PRDM16: variants seen among roughly 807,000 people sequenced by gnomAD.
The protein encoded by PRDM16 is PR/SET domain 16.
Under a neutral mutation model 110.6 loss-of-function variants are expected in PRDM16, and 23 were observed. That is an observed-to-expected ratio of 0.21 (90% CI 0.15 to 0.29). The LOEUF (loss-of-function observed/expected upper bound fraction) is 0.29. Among genes scored for constraint, PRDM16 ranks in the 10% least tolerant of loss-of-function variants. PRDM16 has a pLI of 1.00. For missense variants in PRDM16, 1,615 were observed against 1,794.3 expected, an observed-to-expected ratio of 0.90 and a Z score of 1.81; for synonymous variants, 799 against 781.8, an observed-to-expected ratio of 1.02 and a Z score of -0.37.
intron 2 of PRDM16, among the ~76,000 whole-genome samples, chr1:3,233,681 C>T (rs915132107): frequency 7.2e-5 from 11 of 152,066 alleles, no homozygotes; most frequent in African/African-American, 9.7e-5. Flanking sequence ...ACAGGAGAGC[C>T]GACGTTAGAT....
At chr1:3,103,845 A>G (rs1642587240) in intron 1 of PRDM16, among the ~76,000 whole-genome samples, 1 of 152,246 alleles carries the variant, frequency 6.6e-6, no homozygotes, top group Admixed American at 6.5e-5. Flanking sequence ...CACAGGCCCC[A>G]GGGAATTTGC....
intron 3 of PRDM16, among the ~76,000 whole-genome samples, chr1:3,300,548 T>C (rs564293019): frequency 2.0e-5 from 3 of 152,316 alleles, no homozygotes; most frequent in African/African-American, 7.2e-5. Context: ...GTCATGGTTT[T>C]CCAGCCTCAG....
At position 3,358,142 on chromosome 1, in the gene PRDM16, T is replaced by C. The variant is rs2483265; in HGVS notation, c.439-27010T>C. 0.79 allele frequency among the ~76,000 whole-genome samples: 119,592 copies of C among 152,258 alleles called. 47,651 individuals are homozygous for C. Among genetic ancestry groups the C allele is most frequent in the African/African-American group, 0.93 (38,703 of 41,566 alleles). ...ACAGTGGGCCTGGCCATGACCCCCTTGCCCAGGGCAACGTGGACCACACAG... is the reference window on the plus strand; with the variant it reads ...ACAGTGGGCCTGGCCATGACCCCCTCGCCCAGGGCAACGTGGACCACACAG... On this transcript the variant is annotated intron_variant, in intron 3 of 16. Transcript: ENST00000270722. This position sits in a 1 kb window ranked among gnomAD's most constrained non-coding sequence, Gnocchi z 4.0.
chr1:3,100,369 C>T (rs1642502818), intron 1 of PRDM16, among the ~76,000 whole-genome samples: 1 of 152,204 alleles, frequency 6.6e-6, no homozygotes. Flanking sequence ...TGGGTCCTCT[C>T]TTCCAGTGGG....
chr1:3,239,807 A>G (rs1639619323), intron 2 of PRDM16, among the ~76,000 whole-genome samples: 1 of 151,904 alleles, frequency 6.6e-6, no homozygotes, highest in Non-Finnish European at 1.5e-5. Flanking sequence ...AAAATTAGCC[A>G]GACATGGTGG....
At chr1:3,150,958 G>A (rs1375401749) in intron 1 of PRDM16, among the ~76,000 whole-genome samples, 1 of 86,086 alleles carries the variant, frequency 1.2e-5, no homozygotes, top group Non-Finnish European at 2.2e-5. Flanking sequence ...CTATGGAAAC[G>A]GGGGGCTGGT....
At chr1:3,161,911 G>T (rs1457557214) in intron 1 of PRDM16, among the ~76,000 whole-genome samples, 2 of 152,196 alleles carry the variant, frequency 1.3e-5, no homozygotes, top group South Asian at 2.1e-4. Flanking sequence ...CAGTGGAGAT[G>T]ATTGGGTTTG....
At chr1:3,305,128 C>A (rs1557593956) in intron 3 of PRDM16, among the ~76,000 whole-genome samples, 1 of 152,226 alleles carries the variant, frequency 6.6e-6, no homozygotes, top group Non-Finnish European at 1.5e-5. Context: ...CAGGTGCCAG[C>A]AGGGGAAGCT....
At chr1:3,401,517 C>T (rs1643467207) in intron 5 of PRDM16, among the ~76,000 whole-genome samples, 3 of 152,090 alleles carry the variant, frequency 2.0e-5, no homozygotes, top group East Asian at 3.9e-4. Context: ...CAAACATGCA[C>T]GTTAGCATAC....
Position 3,437,630 on chromosome 1 carries a change from AGT to A in PRDM16, c.*3821_*3822del, listed in dbSNP as rs1263894368. ...ATGAAACTGTGTCTCTGTAGCAATGAGTGATACTGTGACAAAACCATCCTTGC... is the reference window on the plus strand; with the variant it reads ...ATGAAACTGTGTCTCTGTAGCAATGAGATACTGTGACAAAACCATCCTTGC... On this transcript the variant is annotated 3_prime_UTR_variant, in exon 17 of 17. Coordinates refer to ENST00000270722, the MANE Select transcript of PRDM16 (RefSeq NM_022114.4). 8.8e-6 allele frequency: 2 copies of A among 228,130 alleles called. No homozygotes were observed. The highest frequency in any genetic ancestry group is 4.4e-5 in the African/African-American group (2 of 45,014). 14.1% of individuals were successfully genotyped at this position (228,130 alleles called of 1,614,324 possible). A position where few individuals can be genotyped will look rare whatever the true frequency, so the allele number is the denominator to read the frequency against.
chr1:3,341,439 C>T (rs1443980966), intron 3 of PRDM16, among the ~76,000 whole-genome samples: 1 of 152,140 alleles, frequency 6.6e-6, no homozygotes, highest in Non-Finnish European at 1.5e-5. Flanking sequence ...TCCTAAGCAG[C>T]TCCTGAATGG....
In PRDM16 at chr1:3,431,227, AC is replaced by A; in HGVS notation, c.3521+120del. 4 of 1,443,688 alleles carry A rather than the reference AC, an allele frequency of 2.8e-6. No homozygotes were observed. In the South Asian group the frequency reaches 5.5e-5, roughly 20 times the overall value. The allele number at this position is 1,443,688 out of a possible 1,614,324, so 89.4% of individuals were successfully genotyped here. ...TCCCTGGCTCAGCCCCTACTCCAGC[AC>A]AGCCACCTCAGGGCCTCCACACACA... On this transcript the variant is annotated intron_variant, in intron 15 of 16. Coordinates refer to ENST00000270722, the MANE Select transcript of PRDM16 (RefSeq NM_022114.4).
rs930935782 is a variant in PRDM16, at chr1:3,125,723, C to T, written c.37+56427C>T. Among the ~76,000 whole-genome samples, 48 of 152,232 alleles carry T rather than the reference C, an allele frequency of 3.2e-4. 1 individual carries two copies. The highest frequency in any genetic ancestry group is 2.5e-4 in the Non-Finnish European group (17 of 68,046). On this transcript the variant is annotated intron_variant, in intron 1 of 16. Coordinates refer to ENST00000270722, the MANE Select transcript of PRDM16 (RefSeq NM_022114.4). ...TTGCTGTCGGTCACGGCAGGTTGGG[C>T]CATTTGTAACGAGTTTGGTCTGCGC... is the stretch of plus-strand genomic sequence containing the variant.
At chr1:3,262,873 G>T (rs1269822187) in intron 3 of PRDM16, among the ~76,000 whole-genome samples, 3 of 152,198 alleles carry the variant, frequency 2.0e-5, no homozygotes, top group African/African-American at 7.2e-5. Flanking sequence ...GCGCGCATGG[G>T]GTCCCAGGGA....
chr1:3,336,969 A>G (rs200218683), intron 3 of PRDM16, among the ~76,000 whole-genome samples: 1 of 145,736 alleles, frequency 6.9e-6, no homozygotes, highest in Non-Finnish European at 1.5e-5. Flanking sequence ...ATGCATGCAC[A>G]TATGTGTTGG....
intron 3 of PRDM16, among the ~76,000 whole-genome samples, chr1:3,310,983 G>A (rs55869144): frequency 0.099 from 15,090 of 152,130 alleles, 872 homozygotes; most frequent in African/African-American, 0.15. Flanking sequence ...ATGTGTGTGC[G>A]TGTGTGCGTG....
In PRDM16 at chr1:3,425,512, C is replaced by A; in HGVS notation, c.2940-69C>A. On this transcript the variant is annotated intron_variant, in intron 12 of 16. Transcript: ENST00000270722. This position sits in a 1 kb window ranked among gnomAD's most constrained non-coding sequence, Gnocchi z 6.9. ...GCAGGGGCGCGGGCTCCCTTCCCCC[C>A]ACCCTCTGTGGCCCGGCCTGCCATG... The A allele has an allele frequency of 1.3e-6, 2 of 1,538,998 alleles. No homozygotes were observed. Among genetic ancestry groups the A allele is most frequent in the Non-Finnish European group, 8.9e-7 (1 of 1,128,906 alleles).
Position 3,186,188 on chromosome 1 carries a change from C to A in PRDM16, c.101C>A (p.Ala34Glu), listed in dbSNP as rs779535977. Residue 34 changes from alanine (A) to glutamate (E), a missense_variant, in exon 2 of 17, where the codon GCG becomes GAG. Physicochemically the swap from Ala to Glu is moderately radical, Grantham distance 107. This residue lies in a region of PRDM16 where 416 missense variants were observed against 467.1 expected (regional missense o/e 0.89). Coordinates refer to ENST00000270722, the MANE Select transcript of PRDM16 (RefSeq NM_022114.4). ...CGGGACCTGCTGGCCAGCCACAGCGCGGAGGACGAGGCCGAGGACAGTGCC... is the reference window on the plus strand; with the variant it reads ...CGGGACCTGCTGGCCAGCCACAGCGAGGAGGACGAGGCCGAGGACAGTGCC... ...PNRDLLASHS[A>E]EDEAEDSAMS... is the part of the protein sequence containing the mutation. The A allele has an allele frequency of 1.2e-6, 2 of 1,612,744 alleles. No homozygotes were observed. The highest frequency in any genetic ancestry group is 2.7e-5 in the African/African-American group (2 of 74,922).
At chr1:3,173,897 C>T (rs1245259990) in intron 1 of PRDM16, among the ~76,000 whole-genome samples, 1 of 152,192 alleles carries the variant, frequency 6.6e-6, no homozygotes, top group South Asian at 2.1e-4. Context: ...ACCAGGAGCA[C>T]GTTACAGCCA....
Sources: allele counts gnomAD v4.1 joint callset (sites outside exome capture counted in the v4.1 genomes callset), GRCh38; gene constraint gnomAD v4.1.1; regional missense constraint gnomAD v4.1.1; non-coding constraint Gnocchi (gnomAD v3.1); transcripts MANE v1.5; gene names NCBI Gene and HGNC (gene_info 2026-07-23, HGNC 2026-07-21).